The following LGR4 variants were observed in gnomAD, a reference collection of about 807,000 sequenced individuals.
LGR4 encodes the protein leucine-rich repeat-containing G protein-coupled receptor 4.
LGR4 carries 44 observed loss-of-function variants against 84.8 expected under a neutral mutation model. The observed-to-expected ratio is 0.52, with a 90% CI of 0.41 to 0.67. The LOEUF (loss-of-function observed/expected upper bound fraction) is 0.67. Ranked by LOEUF, LGR4 falls within the 30% of genes least tolerant of loss-of-function variation. LGR4 has a pLI of 0.00. For missense variants in LGR4, 1,032 were observed against 1,131.4 expected, an observed-to-expected ratio of 0.91 and a Z score of 1.26; for synonymous variants, 429 against 434.3, an observed-to-expected ratio of 0.99 and a Z score of 0.15.
rs376982002 is a variant in LGR4, at chr11:27,413,370, T to C, written c.186-510A>G. Among the ~76,000 whole-genome samples, 12 of 152,276 alleles carry C rather than the reference T, an allele frequency of 7.9e-5. No homozygotes were observed. The East Asian group carries it at 2.1e-3, about 27-fold the overall frequency. Reference sequence around the variant, plus strand: ...GTCAGTGGATTTCATGTTCCGCCTATGAACAGATGCAGGCTAAGGACAAGT... The same window carrying C: ...GTCAGTGGATTTCATGTTCCGCCTACGAACAGATGCAGGCTAAGGACAAGT... On this transcript the variant is annotated intron_variant, in intron 1 of 17. Transcript: ENST00000379214.
chr11:27,446,053 A>G (rs1275772347), intron 1 of LGR4, among the ~76,000 whole-genome samples: 1 of 152,360 alleles, frequency 6.6e-6, no homozygotes, highest in East Asian at 1.9e-4. Context: ...GCAAGGCACA[A>G]ATATAACCAA....
At chr11:27,455,523 G>A (rs1362987265) in intron 1 of LGR4, among the ~76,000 whole-genome samples, 2 of 152,160 alleles carry the variant, frequency 1.3e-5, no homozygotes, top group Non-Finnish European at 2.9e-5. Flanking sequence ...CCCATGGAAC[G>A]ACATAGCCTT....
At chr11:27,381,023 C>T (rs1565072753) in intron 7 of LGR4, 57 bp from the exon 8 acceptor site, 2 of 920,312 alleles carry the variant, frequency 2.2e-6, no homozygotes, top group Admixed American at 1.9e-5. Flanking sequence ...GAAATAAAAC[C>T]CAAGTATCTA....
At chr11:27,376,484 A>C (rs1862984371) in intron 12 of LGR4, 114 bp from the exon 13 acceptor site, 1 of 523,204 alleles carries the variant, frequency 1.9e-6, no homozygotes, top group Admixed American at 3.5e-5. Flanking sequence ...CTATTTTGAA[A>C]AATAACATTA....
At chr11:27,443,654 C>A (rs1269498041) in intron 1 of LGR4, among the ~76,000 whole-genome samples, 1 of 152,100 alleles carries the variant, frequency 6.6e-6, no homozygotes, top group African/African-American at 2.4e-5. Context: ...TTAAAGAGAA[C>A]TCTGGGACAG....
intron 1 of LGR4, among the ~76,000 whole-genome samples, chr11:27,417,354 C>A (rs1328318162): frequency 6.6e-6 from 1 of 152,074 alleles, no homozygotes; most frequent in Admixed American, 6.6e-5. Context: ...AAAAAAAACT[C>A]TCCCAATGAC....
intron 2 of LGR4, among the ~76,000 whole-genome samples, chr11:27,398,441 A>G (rs1863431345): frequency 6.6e-6 from 1 of 152,220 alleles, no homozygotes; most frequent in Non-Finnish European, 1.5e-5. Flanking sequence ...CTTGTGGTCT[A>G]TTACAGAAAT....
intron 2 of LGR4, among the ~76,000 whole-genome samples, chr11:27,407,945 T>C (rs374951755): frequency 4.6e-4 from 70 of 152,228 alleles, no homozygotes; most frequent in African/African-American, 1.6e-3. Context: ...ATTTGGGAAA[T>C]TGGAGTGAAG....
At chr11:27,429,853 G>A (rs557950470) in intron 1 of LGR4, among the ~76,000 whole-genome samples, 2 of 152,136 alleles carry the variant, frequency 1.3e-5, no homozygotes, top group Admixed American at 1.3e-4. Flanking sequence ...GACTGCCTGA[G>A]GTGGAATTGC....
chr11:27,441,559 A>G (rs1367509707), intron 1 of LGR4, among the ~76,000 whole-genome samples: 4 of 152,238 alleles, frequency 2.6e-5, no homozygotes, highest in Non-Finnish European at 5.9e-5. Flanking sequence ...AAAGAAATGA[A>G]TGATAGAGAG....
rs772444344 is a variant in LGR4 at position 27,373,987 on chromosome 11, G to C, written c.1241C>G (p.Pro414Arg). Residue 414 changes from proline to arginine, a missense_variant, in exon 14 of 18, where the codon CCA becomes CGA. Coordinates refer to ENST00000379214, the MANE Select transcript of LGR4 (RefSeq NM_018490.5). ...ATCATCCACTTACAGGTTAGTTATT[G>C]GCCCAAGTGTGGCAAAAGCTCTACT... Reference protein sequence around the residue: ...IHSRAFATLGPITNLDVSFNE... With the variant: ...IHSRAFATLGRITNLDVSFNE... 6.2e-7 allele frequency: 1 copy of C among 1,608,930 alleles called. No individual in the cohort carries two copies. The highest frequency in any genetic ancestry group is 1.7e-5 in the Admixed American group (1 of 60,006).
intron 1 of LGR4, among the ~76,000 whole-genome samples, chr11:27,433,473 T>C (rs1057390639): frequency 2.0e-5 from 3 of 151,704 alleles, no homozygotes; most frequent in East Asian, 1.9e-4. Flanking sequence ...CCTTGTAATC[T>C]GCCCACCTCA....
intron 1 of LGR4, among the ~76,000 whole-genome samples, chr11:27,432,658 C>T (rs1232544107): frequency 2.0e-5 from 3 of 152,166 alleles, no homozygotes; most frequent in Non-Finnish European, 4.4e-5. Context: ...TAAAGCAAAG[C>T]GCTGACAAGC....
intron 2 of LGR4, among the ~76,000 whole-genome samples, chr11:27,403,757 C>T (rs1008442235): frequency 4.6e-5 from 7 of 152,134 alleles, no homozygotes; most frequent in Non-Finnish European, 1.0e-4. Context: ...TATGATACAT[C>T]TTCAAGATTT....
At position 27,378,782 on chromosome 11, in the gene LGR4, T is replaced by C. The variant is rs754174402; in HGVS notation, c.972-14A>G. The stretch of plus-strand genomic sequence containing the variant: ...CCTGTCAAAGTCCTGCGGAAAAACA[T>C]TATTCATGTAAGAAATAATTCAACT... On this transcript the variant is annotated splice_polypyrimidine_tract_variant and intron_variant, in intron 10 of 17. Transcript: ENST00000379214. 6.3e-6 allele frequency: 10 copies of C among 1,587,530 alleles called. No homozygotes were observed. Among genetic ancestry groups the C allele is most frequent in the Admixed American group, 1.7e-5 (1 of 58,438 alleles).
chr11:27,472,512 G>T lies in LGR4; in HGVS notation c.-210C>A. The T allele has an allele frequency of 2.5e-6, 1 of 392,878 alleles. No homozygotes were observed. The highest frequency in any genetic ancestry group is 4.5e-6 in the Non-Finnish European group (1 of 224,350). The allele number at this position is 392,878 out of a possible 1,614,324, so 24.3% of individuals were successfully genotyped here. A position where few individuals can be genotyped will look rare whatever the true frequency, so the allele number is the denominator to read the frequency against. ...AGTTTCGCCCTTCCCGCTGCTCCATGGACGCGCAGAGGCAGCCCCGCTCCT... is the reference window on the plus strand; with the variant it reads ...AGTTTCGCCCTTCCCGCTGCTCCATTGACGCGCAGAGGCAGCCCCGCTCCT... On this transcript the variant is annotated 5_prime_UTR_variant, in exon 1 of 18. Coordinates refer to ENST00000379214, the MANE Select transcript of LGR4 (RefSeq NM_018490.5).
Position 27,378,761 on chromosome 11 carries a change from T to G in LGR4, c.979A>C (p.Thr327Pro). Residue 327 changes from threonine to proline, a missense_variant, in exon 11 of 18, where the codon ACA becomes CCA. Coordinates refer to ENST00000379214, the MANE Select transcript of LGR4 (RefSeq NM_018490.5). ...GGTATGCTGCTTATCTTTGTACCTG[T>G]CAAAGTCCTGCGGAAAAACATTATT... The part of the protein sequence containing the change: ...GTVHLESLTL[T>P]GTKISSIPNN... The G allele has an allele frequency of 6.2e-7, 1 of 1,609,072 alleles. No homozygotes were observed. The highest frequency in any genetic ancestry group is 1.1e-5 in the South Asian group (1 of 90,250).
In LGR4 at chr11:27,395,182, C is replaced by G. The variant is rs190212800; in HGVS notation, c.258-2664G>C. Reference sequence around the variant, plus strand: ...CATCTTTCCCCAGGGCCTCAGATAGCCCTGTGACTGCTCTTCCAAGTGTTA... The same window carrying G: ...CATCTTTCCCCAGGGCCTCAGATAGGCCTGTGACTGCTCTTCCAAGTGTTA... On this transcript the variant is annotated intron_variant, in intron 2 of 17. Coordinates refer to ENST00000379214, the MANE Select transcript of LGR4 (RefSeq NM_018490.5). Among the ~76,000 whole-genome samples, 828 of 152,200 alleles carry G rather than the reference C, an allele frequency of 5.4e-3. 17 individuals carry two copies. The highest frequency in any genetic ancestry group is 4.2e-3 in the Non-Finnish European group (286 of 68,022).
At chr11:27,418,762 T>A (rs1022750394) in intron 1 of LGR4, among the ~76,000 whole-genome samples, 6 of 152,046 alleles carry the variant, frequency 3.9e-5, no homozygotes, top group Non-Finnish European at 7.4e-5. Flanking sequence ...GAAATGAATT[T>A]AAAAAAACTT....
Sources: gnomAD v4.1 joint callset for allele counts (sites outside exome capture counted in the v4.1 genomes callset) on GRCh38, gnomAD v4.1.1 for gene constraint, MANE v1.5 for transcripts, NCBI Gene and HGNC (gene_info 2026-07-23, HGNC 2026-07-21) for gene names.